The following SGCG variants were observed in gnomAD, a reference collection of about 807,000 sequenced individuals.
The protein encoded by SGCG is gamma-sarcoglycan.
In SGCG, 26 loss-of-function variants were observed where a neutral mutation model predicts 29.3. That is an observed-to-expected ratio of 0.89 (90% confidence interval 0.65 to 1.23). The LOEUF (loss-of-function observed/expected upper bound fraction) is 1.23, where lower values mean the gene tolerates loss of function less well. SGCG is among the 50% of genes most tolerant of loss of function. The pLI is 0.00. For missense variants in SGCG, 353 were observed against 356.0 expected (o/e 0.99, Z 0.07); for synonymous variants, 145 against 129.7 (o/e 1.12, Z -0.80).
chr13:23,285,959 A>G (rs527717467), intron 5 of SGCG, among the ~76,000 whole-genome samples: 98 of 152,188 alleles, frequency 6.4e-4, no homozygotes, highest in African/African-American at 2.1e-3. Flanking sequence ...ACCAGTCCCA[A>G]TGAGATGAGC....
chr13:23,294,372 G>A (rs1277289948), intron 5 of SGCG, among the ~76,000 whole-genome samples: 1 of 152,138 alleles, frequency 6.6e-6, no homozygotes, highest in Non-Finnish European at 1.5e-5. Context: ...TGTAGAATTC[G>A]TTGCTTCCAG....
chr13:23,204,769 A>G (rs1877922299), intron 2 of SGCG, among the ~76,000 whole-genome samples: 1 of 140,310 alleles, frequency 7.1e-6, no homozygotes, highest in African/African-American at 2.7e-5. Flanking sequence ...GCAGTGGTGC[A>G]ATCTTGGCTC....
At chr13:23,226,023 C>T (rs1235117902) in intron 2 of SGCG, among the ~76,000 whole-genome samples, 1 of 152,108 alleles carries the variant, frequency 6.6e-6, no homozygotes, top group Admixed American at 6.5e-5. Context: ...TTCCATTCTC[C>T]TACCTCTGCC....
intron 2 of SGCG, among the ~76,000 whole-genome samples, chr13:23,224,939 C>A (rs1200715582): frequency 6.6e-6 from 1 of 152,008 alleles, no homozygotes; most frequent in Non-Finnish European, 1.5e-5. Context: ...GGTTCTGAAC[C>A]ATTGCTATGC....
chr13:23,312,293 G>C (rs887059816), intron 6 of SGCG, among the ~76,000 whole-genome samples: 23 of 152,182 alleles, frequency 1.5e-4, no homozygotes, highest in African/African-American at 5.5e-4. Flanking sequence ...CCCACAAGAT[G>C]CTCAATGCCA....
chr13:23,275,374 G>C (rs1241433421), intron 4 of SGCG, among the ~76,000 whole-genome samples: 2 of 151,846 alleles, frequency 1.3e-5, no homozygotes, highest in Non-Finnish European at 2.9e-5. Flanking sequence ...AGTCAGCCGG[G>C]TGCCTATAGT....
intron 5 of SGCG, among the ~76,000 whole-genome samples, chr13:23,280,225 A>T (rs1293841792): frequency 6.6e-6 from 1 of 152,154 alleles, no homozygotes; most frequent in Non-Finnish European, 1.5e-5. Flanking sequence ...CATTTTTAAG[A>T]CTGAGAAGAG....
At chr13:23,187,188 G>A (rs1877012280) in intron 1 of SGCG, among the ~76,000 whole-genome samples, 1 of 152,194 alleles carries the variant, frequency 6.6e-6, no homozygotes. Context: ...GGATGGTGAT[G>A]GGCCAGCTGT....
chr13:23,256,447 T>G (rs1298455016), intron 4 of SGCG, among the ~76,000 whole-genome samples: 1 of 152,316 alleles, frequency 6.6e-6, no homozygotes, highest in East Asian at 1.9e-4. Flanking sequence ...GTTACGTATG[T>G]ATACATGTGC....
At chr13:23,277,785 G>T (rs4770423) in intron 4 of SGCG, among the ~76,000 whole-genome samples, 1 of 145,418 alleles carries the variant, frequency 6.9e-6, no homozygotes, top group Non-Finnish European at 1.5e-5. Context: ...TGCAAGCTCC[G>T]CCTCCCAGGT....
chr13:23,303,738 T>G (rs976043103), intron 6 of SGCG, among the ~76,000 whole-genome samples: 2 of 152,216 alleles, frequency 1.3e-5, no homozygotes, highest in Admixed American at 6.5e-5. Flanking sequence ...GTTGGAGATA[T>G]AGCTCCATGA....
intron 4 of SGCG, among the ~76,000 whole-genome samples, chr13:23,254,817 A>G (rs1880113925): frequency 6.6e-6 from 1 of 152,196 alleles, no homozygotes; most frequent in South Asian, 2.1e-4. Context: ...GCTGTGCCTC[A>G]AAGGGCCCCA....
rs1486163001 is a variant in SGCG at position 23,320,741 on chromosome 13, T to G, written c.683T>G (p.Phe228Cys). The G allele has an allele frequency of 1.1e-5, 18 of 1,613,716 alleles. No individual in the cohort carries two copies. The highest frequency in any genetic ancestry group is 1.5e-5 in the Non-Finnish European group (18 of 1,179,820). The change falls in exon 7 of 8, where the codon TTT becomes TGT. Residue 228 changes from phenylalanine (F) to cysteine (C), a missense_variant. Physicochemically the swap from Phe to Cys is radical, Grantham distance 205 (BLOSUM62 -2). Coordinates refer to ENST00000218867, the MANE Select transcript of SGCG (RefSeq NM_000231.3). ...GCGCTTTCTCAAATGGATATTCTTTTTCATAGTAGTGATGGAATGGTGAGT... is the reference window on the plus strand; with the variant it reads ...GCGCTTTCTCAAATGGATATTCTTTGTCATAGTAGTGATGGAATGGTGAGT... ...IEALSQMDIL[F>C]HSSDGMLVLD...
chr13:23,308,801 T>C (rs1425661823), intron 6 of SGCG, among the ~76,000 whole-genome samples: 1 of 152,190 alleles, frequency 6.6e-6, no homozygotes, highest in Non-Finnish European at 1.5e-5. Flanking sequence ...TGACCTCAAG[T>C]GATTCACTCA....
upstream of SGCG, among the ~76,000 whole-genome samples, chr13:23,179,735 A>C (rs1270588423): frequency 6.6e-6 from 1 of 152,228 alleles, no homozygotes; most frequent in African/African-American, 2.4e-5. Flanking sequence ...TAAGGCCTGC[A>C]GCTGCTGGTA....
At chr13:23,324,182 T>C (rs2137533656) in intron 7 of SGCG, among the ~76,000 whole-genome samples, 186 bp from the exon 8 acceptor site, 1 of 152,330 alleles carries the variant, frequency 6.6e-6, no homozygotes, top group South Asian at 2.1e-4. Flanking sequence ...AGTCCCAGCC[T>C]GCATGTAAAA....
chr13:23,269,631 T>C (rs1227262771), intron 4 of SGCG, among the ~76,000 whole-genome samples: 2 of 152,162 alleles, frequency 1.3e-5, no homozygotes, highest in Non-Finnish European at 2.9e-5. Context: ...TCTTTTGAAC[T>C]TTACTTTTTC....
At chr13:23,236,689 A>G (rs1481168729) in intron 3 of SGCG, among the ~76,000 whole-genome samples, 1 of 150,068 alleles carries the variant, frequency 6.7e-6, no homozygotes, top group African/African-American at 2.4e-5. Flanking sequence ...AAAAATAATA[A>G]CAATAATAAT....
At chr13:23,228,021 G>A (rs1383464177) in intron 2 of SGCG, among the ~76,000 whole-genome samples, 1 of 151,928 alleles carries the variant, frequency 6.6e-6, no homozygotes, top group African/African-American at 2.4e-5. Flanking sequence ...ATGTTGCCCA[G>A]GCTGGTCTTC....
Sources: gnomAD v4.1 joint callset for allele counts (sites outside exome capture counted in the v4.1 genomes callset) on GRCh38, gnomAD v4.1.1 for gene constraint, MANE v1.5 for transcripts, NCBI Gene and HGNC (gene_info 2026-07-23, HGNC 2026-07-21) for gene names.